ENPP1: variants seen among roughly 807,000 people sequenced by gnomAD.
The protein encoded by ENPP1 is ectonucleotide pyrophosphatase/phosphodiesterase 1.
In ENPP1, 73 loss-of-function variants were observed where a neutral mutation model predicts 122.8. The observed-to-expected ratio is 0.59, with a 90% CI of 0.49 to 0.72. ENPP1 has a LOEUF of 0.72. ENPP1 is among the 30% of genes least tolerant of loss of function. The probability of loss-of-function intolerance (pLI) is 0.00; values close to 1 mark genes in which losing one functional copy is unlikely to be tolerated. For synonymous variants in ENPP1, 367 were observed against 391.6 expected (o/e 0.94, Z 0.74); for missense variants, 978 against 1,128.1 (o/e 0.87, Z 1.91).
intron 1 of ENPP1, among the ~76,000 whole-genome samples, chr6:131,836,379 G>T (rs971962313): frequency 2.6e-5 from 4 of 151,940 alleles, no homozygotes; most frequent in African/African-American, 9.7e-5. Context: ...CTCCCAAAGT[G>T]CTGGGATTAC....
intron 13 of ENPP1, among the ~76,000 whole-genome samples, chr6:131,870,460 A>T (rs1298293170): frequency 6.6e-6 from 1 of 152,220 alleles, no homozygotes; most frequent in Non-Finnish European, 1.5e-5. Context: ...ACCATCCATG[A>T]TAACTTTCAG....
chr6:131,828,484 T>A (rs1314855822), intron 1 of ENPP1: 1 of 238,646 alleles, frequency 4.2e-6, no homozygotes, highest in Non-Finnish European at 8.2e-6. Context: ...TTCAATCAGG[T>A]GATCTATACC....
At chr6:131,835,676 T>G (rs1332327190) in intron 1 of ENPP1, among the ~76,000 whole-genome samples, 2 of 152,128 alleles carry the variant, frequency 1.3e-5, no homozygotes, top group Non-Finnish European at 2.9e-5. Flanking sequence ...ATCACCCAGG[T>G]ATTAAGCCCA....
intron 18 of ENPP1, 85 bp from the exon 19 acceptor site, chr6:131,878,457 G>T (rs963502825): frequency 3.3e-5 from 27 of 826,926 alleles, no homozygotes; most frequent in Non-Finnish European, 2.1e-6. Context: ...TTCTATGTTG[G>T]AATAATCAAT....
At position 131,864,947 on chromosome 6, in the gene ENPP1, A is replaced by G. The variant is rs571952564; in HGVS notation, c.1164+9A>G. On this transcript the variant is annotated intron_variant, in intron 11 of 24. Coordinates refer to ENST00000647893, the MANE Select transcript of ENPP1 (RefSeq NM_006208.3). ...GACCAGTCAGCAGTGAAGTAAGTAC[A>G]TTTTTATCAGTAATTATTTCATTAA... is the stretch of plus-strand genomic sequence containing the variant. 9 of 1,534,932 alleles carry G rather than the reference A, an allele frequency of 5.9e-6. No homozygotes were observed. The East Asian group carries it at 1.8e-4, about 31-fold the overall frequency.
intron 1 of ENPP1, among the ~76,000 whole-genome samples, chr6:131,841,606 A>G (rs1490212684): frequency 9.9e-5 from 15 of 152,230 alleles, no homozygotes; most frequent in African/African-American, 3.6e-4. Flanking sequence ...GTTTAATTAA[A>G]TCACAGCTTG....
intron 21 of ENPP1, 55 bp downstream of exon 21, chr6:131,882,529 T>G: frequency 1.5e-6 from 2 of 1,364,414 alleles, no homozygotes; most frequent in Non-Finnish European, 2.0e-6. Flanking sequence ...TTCTTTCTTG[T>G]TTATAAATCC....
At position 131,875,663 on chromosome 6, in the gene ENPP1, CTCTTA is replaced by C. The variant is rs61235032; in HGVS notation, c.1636-105_1636-101del. 1.9e-3 allele frequency: 1,504 copies of C among 806,896 alleles called. 16 individuals carry two copies. The African/African-American group carries it at 0.022, about 12-fold the overall frequency. The allele number at this position is 806,896 out of a possible 1,614,324, so 50.0% of individuals were successfully genotyped here. A position where few individuals can be genotyped will look rare whatever the true frequency, so the allele number is the denominator to read the frequency against. On this transcript the variant is annotated intron_variant, in intron 16 of 24. Transcript: ENST00000647893. ...AAGTCCACTGAGCGTGGTAGTTTTC[CTCTTA>C]TCTTATCATAACCAGTTTGTATATG...
chr6:131,810,599 A>C (rs557026753), intron 1 of ENPP1, among the ~76,000 whole-genome samples: 20 of 152,182 alleles, frequency 1.3e-4, no homozygotes, highest in Non-Finnish European at 2.9e-4. Flanking sequence ...ATTAAACCTC[A>C]GCACACTTTT....
chr6:131,872,720 T>C (rs1782177374), intron 14 of ENPP1, among the ~76,000 whole-genome samples: 1 of 152,152 alleles, frequency 6.6e-6, no homozygotes, highest in African/African-American at 2.4e-5. Context: ...AGCTGTTTTT[T>C]CATCTGACTT....
rs1585838586 is a variant in ENPP1, at chr6:131,878,585, T to C, written c.1937T>C (p.Val646Ala). The C allele has an allele frequency of 6.2e-7, 1 of 1,612,474 alleles. No individual in the cohort carries two copies. Residue 646 changes from valine to alanine, a missense_variant, in exon 19 of 25, where the codon GTG (valine) becomes GCG (alanine). Val to Ala is a moderately conservative substitution (Grantham distance 64). Coordinates refer to ENST00000647893, the MANE Select transcript of ENPP1 (RefSeq NM_006208.3). ...TTTCAAACACAGTTCAATCTGACTG[T>C]GGCAGAAGGTAAGGCATGCTACACA... ...EDFQTQFNLTVAEEKIIKHET... is the reference protein window; with the variant it reads ...EDFQTQFNLTAAEEKIIKHET...
intron 3 of ENPP1, 82 bp downstream of exon 3, chr6:131,850,188 T>C: frequency 1.0e-6 from 1 of 960,294 alleles, no homozygotes; most frequent in Non-Finnish European, 1.7e-6. Flanking sequence ...AGGTATGTGA[T>C]TTACCTAATT....
intron 15 of ENPP1, among the ~76,000 whole-genome samples, chr6:131,873,791 G>A (rs1782193240): frequency 6.6e-6 from 1 of 151,798 alleles, no homozygotes; most frequent in South Asian, 2.1e-4. Context: ...CACTCTTATT[G>A]GAGAGCTGGG....
chr6:131,847,821 G>C lies in ENPP1; in HGVS notation c.286G>C (p.Gly96Arg). ...AACAACAATACTTGGTTGTATATTT[G>C]GGTTGAAACCAAGCTGTGCCAAAGA... The part of the protein sequence containing the change: ...VLTTILGCIF[G>R]LKPSCAKEVK... Residue 96 changes from glycine to arginine, a missense_variant, in exon 2 of 25, where the codon GGG (glycine) becomes CGG (arginine). Gly to Arg is a moderately radical substitution (Grantham distance 125). Around this residue, in one of 3 missense-constraint regions of ENPP1, gnomAD observed 330 missense variants for 328.5 expected, o/e 1.00. Coordinates refer to ENST00000647893, the MANE Select transcript of ENPP1 (RefSeq NM_006208.3). 1 of 1,611,498 alleles carries C rather than the reference G, an allele frequency of 6.2e-7. No homozygotes were observed. The highest frequency in any genetic ancestry group is 1.1e-5 in the South Asian group (1 of 90,966).
At chr6:131,837,520 CAA>C (rs34431136) in intron 1 of ENPP1, among the ~76,000 whole-genome samples, 15,166 of 81,346 alleles carry the variant, frequency 0.19, 611 homozygotes, top group South Asian at 0.38. Context: ...GACTCTGTCT[CAA>C]AAAAAAAAAA....
In ENPP1 at chr6:131,876,933, G is replaced by T. The variant is rs1356501912; in HGVS notation, c.1724-59G>T. On this transcript the variant is annotated intron_variant, in intron 17 of 24. Transcript: ENST00000647893. ...TAAAAAAGTAAAGATCATGGCACAA[G>T]TCTACTATTTGTTTGATTTGAAACA... 9.3e-6 allele frequency: 14 copies of T among 1,502,952 alleles called. No homozygotes were observed. In the South Asian group the frequency reaches 1.5e-4, roughly 16 times the overall value. The allele number at this position is 1,502,952 out of a possible 1,614,324, so 93.1% of individuals were successfully genotyped here.
At chr6:131,864,796 T>G (rs979610489) in intron 10 of ENPP1, 70 bp from the exon 11 acceptor site, 1 of 1,029,736 alleles carries the variant, frequency 9.7e-7, no homozygotes, top group Admixed American at 1.7e-5. Context: ...TATCAATTGA[T>G]GAATTATTTT....
intron 12 of ENPP1, among the ~76,000 whole-genome samples, chr6:131,868,652 G>A (rs1447047850): frequency 6.6e-6 from 1 of 152,150 alleles, no homozygotes; most frequent in East Asian, 1.9e-4. Flanking sequence ...GCTATGTTGA[G>A]CAGGCTGGTC....
intron 1 of ENPP1, chr6:131,827,957 C>A: frequency 2.4e-6 from 2 of 849,106 alleles, no homozygotes; most frequent in Non-Finnish European, 4.0e-6. Context: ...TAAAGGATGG[C>A]CACAAAATGC....
Sources: gnomAD v4.1 joint callset for allele counts (sites outside exome capture counted in the v4.1 genomes callset) on GRCh38, gnomAD v4.1.1 for gene constraint, gnomAD v4.1.1 regional missense constraint, MANE v1.5 for transcripts, NCBI Gene and HGNC (gene_info 2026-07-23, HGNC 2026-07-21) for gene names.